Variants in COX16 observed in about 807,000 individuals in gnomAD.
COX16 encodes the protein cytochrome c oxidase assembly protein COX16 homolog, mitochondrial.
COX16 carries 12 observed loss-of-function variants against 15.4 expected under a neutral mutation model. The observed-to-expected ratio is 0.78, with a 90% CI of 0.50 to 1.26. COX16 has a LOEUF of 1.26. COX16 is among the 50% of genes most tolerant of loss of function. COX16 has a pLI of 0.00. For missense variants in COX16, 124 were observed against 127.6 expected, an observed-to-expected ratio of 0.97 and a Z score of 0.14; for synonymous variants, 46 against 41.1, an observed-to-expected ratio of 1.12 and a Z score of -0.46.
chr14:70,326,321 G>C lies in COX16; in HGVS notation c.*12C>G. ...TTTAAAAAAAAAAAAAAGGAAAAAA[G>C]AATCAGCAGAGTCAAGTTGTCTTAG... is the stretch of plus-strand genomic sequence containing the variant. On this transcript the variant is annotated 3_prime_UTR_variant, in exon 4 of 4. Coordinates refer to ENST00000389912, the MANE Select transcript of COX16 (RefSeq NM_016468.7). 2 of 1,397,348 alleles carry C rather than the reference G, an allele frequency of 1.4e-6. No homozygotes were observed. The highest frequency in any genetic ancestry group is 1.9e-6 in the Non-Finnish European group (2 of 1,061,402). 86.6% of individuals were successfully genotyped at this position (1,397,348 alleles called of 1,614,324 possible). A position where few individuals can be genotyped will look rare whatever the true frequency, so the allele number is the denominator to read the frequency against.
At chr14:70,342,579 G>T in intron 2 of COX16, 79 bp downstream of exon 2, 1 of 1,403,068 alleles carries the variant, frequency 7.1e-7, no homozygotes, top group Non-Finnish European at 9.6e-7. Flanking sequence ...AGACTACTTA[G>T]TATACTGAGT....
In COX16 at chr14:70,336,496, CAACAA is replaced by C. The variant is rs940367156; in HGVS notation, c.141+6157_141+6161del. ...TCCTTGGTTTCTGTATTGTGTTTCA[CAACAA>C]AACAACTTAGATAAATAAAAATAAA... On this transcript the variant is annotated intron_variant, in intron 2 of 3. Transcript: ENST00000389912. Among the ~76,000 whole-genome samples, 110 of 152,150 alleles carry C rather than the reference CAACAA, an allele frequency of 7.2e-4. 1 individual carries two copies. Among genetic ancestry groups the C allele is most frequent in the African/African-American group, 2.6e-3 (108 of 41,510 alleles).
At chr14:70,353,709 T>A (rs1015594022) in intron 1 of COX16, among the ~76,000 whole-genome samples, 3 of 152,010 alleles carry the variant, frequency 2.0e-5, no homozygotes, top group Admixed American at 6.6e-5. Context: ...GAGACAGGGT[T>A]TCACCATATT....
rs1311331614 is a variant in COX16, at chr14:70,325,671, G to GTCA, written c.*659_*661dup. The GTCA allele has an allele frequency of 6.9e-6, 1 of 145,504 alleles. No homozygotes were observed. Among genetic ancestry groups the GTCA allele is most frequent in the African/African-American group, 2.5e-5 (1 of 39,692 alleles). 9.0% of individuals were successfully genotyped at this position (145,504 alleles called of 1,614,324 possible). A position where few individuals can be genotyped will look rare whatever the true frequency, so the allele number is the denominator to read the frequency against. On this transcript the variant is annotated 3_prime_UTR_variant, in exon 4 of 4. Coordinates refer to ENST00000389912, the MANE Select transcript of COX16 (RefSeq NM_016468.7). ...TTATCTTAGTATTTCTCAAAATGTAGTCATCTATGGATTTACTGAACAAAT... is the reference window on the plus strand; with the variant it reads ...TTATCTTAGTATTTCTCAAAATGTAGTCATCATCTATGGATTTACTGAACAAAT...
chr14:70,359,363 G>A, intron 1 of COX16, 156 bp downstream of exon 1: 1 of 705,056 alleles, frequency 1.4e-6, no homozygotes, highest in Non-Finnish European at 2.6e-6. Flanking sequence ...AAGACTGGTG[G>A]AAGAGCTTTT....
intron 2 of COX16, among the ~76,000 whole-genome samples, chr14:70,334,008 A>G (rs1886369788): frequency 6.6e-6 from 1 of 152,220 alleles, no homozygotes; most frequent in Non-Finnish European, 1.5e-5. Flanking sequence ...TCCTTCAGAA[A>G]TGGAGAGATG....
intron 2 of COX16, 64 bp downstream of exon 2, chr14:70,342,594 A>C: frequency 6.5e-7 from 1 of 1,531,078 alleles, no homozygotes; most frequent in Non-Finnish European, 8.8e-7. Context: ...CTGAGTATAC[A>C]ATTCTCCTAA....
At chr14:70,355,315 G>C (rs904984493) in intron 1 of COX16, among the ~76,000 whole-genome samples, 1 of 151,854 alleles carries the variant, frequency 6.6e-6, no homozygotes, top group Non-Finnish European at 1.5e-5. Flanking sequence ...TTTTTCTTTT[G>C]CCACAGAGTC....
Position 70,359,613 on chromosome 14 carries a change from A to C in COX16, c.-26T>G, listed in dbSNP as rs1242591955. On this transcript the variant is annotated 5_prime_UTR_variant, in exon 1 of 4. Coordinates refer to ENST00000389912, the MANE Select transcript of COX16 (RefSeq NM_016468.7). ...GAGTGAACTCTTCCATCGGCTCAGA[A>C]CTCCAAGCGGGCCTAGCGCAGACTC... The C allele has an allele frequency of 6.2e-7, 1 of 1,611,936 alleles. No homozygotes were observed. The highest frequency in any genetic ancestry group is 1.7e-5 in the Admixed American group (1 of 59,978).
chr14:70,359,555 GC>G lies in COX16; in HGVS notation c.32del (p.Arg11ProfsTer15), dbSNP rs1566609178. ...CTCCATAGCCGAGAGTCTTGTTCTT[GC>G]GAAAAGCACGCATCACCGCGGGTGC... MFAPAVMRAF[R>X]KNKTLGYGVP... On this transcript the variant is annotated frameshift_variant, in exon 1 of 4. Coordinates refer to ENST00000389912, the MANE Select transcript of COX16 (RefSeq NM_016468.7). LOFTEE classifies it high-confidence loss of function. The G allele has an allele frequency of 6.2e-7, 1 of 1,614,076 alleles. No homozygotes were observed. The highest frequency in any genetic ancestry group is 1.1e-5 in the South Asian group (1 of 91,076).
At chr14:70,349,343 TTCTAG>T (rs1886876795) in intron 1 of COX16, among the ~76,000 whole-genome samples, 1 of 152,198 alleles carries the variant, frequency 6.6e-6, no homozygotes, top group Non-Finnish European at 1.5e-5. Flanking sequence ...CTCCGCTATC[TTCTAG>T]TCTTGGTCTG....
chr14:70,349,240 C>T (rs1229633090), intron 1 of COX16, among the ~76,000 whole-genome samples: 2 of 152,194 alleles, frequency 1.3e-5, no homozygotes, highest in Admixed American at 6.5e-5. Flanking sequence ...GGGCTCCCTC[C>T]GGCCACCGCC....
At chr14:70,346,139 C>T (rs1359609071) in intron 1 of COX16, among the ~76,000 whole-genome samples, 4 of 152,136 alleles carry the variant, frequency 2.6e-5, no homozygotes, top group Non-Finnish European at 4.4e-5. Flanking sequence ...CAGAACGAAC[C>T]ATTATCTTAA....
At chr14:70,342,617 A>G (rs1886656677) in intron 2 of COX16, 41 bp downstream of exon 2, 3 of 1,596,224 alleles carry the variant, frequency 1.9e-6, no homozygotes, top group Non-Finnish European at 2.6e-6. Flanking sequence ...CAGAACATAC[A>G]TATAGACAGA....
intron 2 of COX16, among the ~76,000 whole-genome samples, chr14:70,339,631 T>C (rs2140711639): frequency 6.6e-6 from 1 of 152,246 alleles, no homozygotes; most frequent in East Asian, 1.9e-4. Context: ...TCTCAACCCA[T>C]GCAACCACTA....
At chr14:70,331,210 A>G (rs12885170) in intron 2 of COX16, among the ~76,000 whole-genome samples, 10,905 of 152,052 alleles carry the variant, frequency 0.072, 560 homozygotes, top group Non-Finnish European at 0.11. Context: ...GTTTCACCAT[A>G]TTGGCTAGGA....
chr14:70,333,772 C>T (rs77015786), intron 2 of COX16, among the ~76,000 whole-genome samples: 11,122 of 152,026 alleles, frequency 0.073, 465 homozygotes, highest in Middle Eastern at 0.11. Flanking sequence ...AAATAATACC[C>T]CAAGACATAT....
At chr14:70,338,312 C>T (rs984172789) in intron 2 of COX16, among the ~76,000 whole-genome samples, 1 of 152,166 alleles carries the variant, frequency 6.6e-6, no homozygotes, top group Admixed American at 6.5e-5. Flanking sequence ...GAGGCTTCAC[C>T]ATATTGCCCA....
intron 3 of COX16, chr14:70,328,342 AAATC>A: frequency 6.6e-6 from 1 of 152,234 alleles, no homozygotes; most frequent in Admixed American, 6.5e-5. Context: ...GTCAAAATAA[AAATC>A]AACACTCTTC....
Sources: allele counts gnomAD v4.1 joint callset (sites outside exome capture counted in the v4.1 genomes callset), GRCh38; gene constraint gnomAD v4.1.1; transcripts MANE v1.5; gene names NCBI Gene and HGNC (gene_info 2026-07-23, HGNC 2026-07-21).